Variants in CCDC60 observed in about 807,000 individuals in gnomAD.
CCDC60 encodes the protein coiled-coil domain containing 60, also known as coiled-coil domain-containing protein 60.
Under a neutral mutation model 63.5 loss-of-function variants are expected in CCDC60, and 54 were observed. The ratio of observed to expected loss-of-function variants is 0.85; its 90% CI spans 0.68 to 1.07. CCDC60 has a LOEUF of 1.07. CCDC60 is among the 50% of genes least tolerant of loss of function. The pLI is 0.00. For synonymous variants in CCDC60, 206 were observed against 238.8 expected (o/e 0.86, Z 1.27); for missense variants, 651 against 684.3 (o/e 0.95, Z 0.54).
At chr12:119,514,470 T>C (rs1305018533) in intron 7 of CCDC60, among the ~76,000 whole-genome samples, 1 of 151,936 alleles carries the variant, frequency 6.6e-6, no homozygotes, top group African/African-American at 2.4e-5. Flanking sequence ...ATTACAGGCA[T>C]GAGCCACCGC....
At chr12:119,353,155 C>CA (rs1171988922) in intron 1 of CCDC60, among the ~76,000 whole-genome samples, 1 of 147,074 alleles carries the variant, frequency 6.8e-6, no homozygotes, top group African/African-American at 2.5e-5. Context: ...CCCTTTTCTC[C>CA]TTTTTTTTTT....
In CCDC60 at chr12:119,522,923, T is replaced by A; in HGVS notation, c.1041-16T>A. 6.2e-7 allele frequency: 1 copy of A among 1,613,202 alleles called. No individual in the cohort carries two copies. The highest frequency in any genetic ancestry group is 8.5e-7 in the Non-Finnish European group (1 of 1,179,206). ...GCAGACTCTGAGCAACTTGAAACCA[T>A]CCTTTTGTGTTTCAGTGAGAGATCC... On this transcript the variant is annotated splice_polypyrimidine_tract_variant and intron_variant, in intron 9 of 13. Transcript: ENST00000327554.
In CCDC60 at chr12:119,507,607, TA is replaced by T. The variant is rs1566050796; in HGVS notation, c.883+2305del. ...ATATATATACATATATATATATATA[TA>T]TATATATTTTTTTTTTTTTTTTCTA... On this transcript the variant is annotated intron_variant, in intron 7 of 13. Transcript: ENST00000327554. Among the ~76,000 whole-genome samples, 103 of 33,710 alleles carry T rather than the reference TA, an allele frequency of 3.1e-3. 1 individual carries two copies. The highest frequency in any genetic ancestry group is 0.014 in the East Asian group (11 of 786). The allele number at this position is 33,710 out of a possible 152,430, so 22.1% of individuals were successfully genotyped here. A position where few individuals can be genotyped will look rare whatever the true frequency, so the allele number is the denominator to read the frequency against.
chr12:119,528,833 T>C, intron 12 of CCDC60, 87 bp downstream of exon 12: 1 of 1,402,952 alleles, frequency 7.1e-7, no homozygotes, highest in South Asian at 1.4e-5. Context: ...CCACTGTCCT[T>C]CAAGGCATAG....
In CCDC60 at chr12:119,408,177, ATCAACTGTTTCTTGTGGAGAGTTTAT is replaced by A. The variant is rs572906648; in HGVS notation, c.91-20503_91-20478del. Among the ~76,000 whole-genome samples the A allele has an allele frequency of 1.1e-3, 163 of 152,326 alleles. 1 individual carries two copies. The highest frequency in any genetic ancestry group is 3.8e-3 in the African/African-American group (158 of 41,576). On this transcript the variant is annotated intron_variant, in intron 1 of 13. Transcript: ENST00000327554. ...TAAATGAGTTTATGTAACCCAAATC[ATCAACTGTTTCTTGTGGAGAGTTTAT>A]TCCTGTATAGCTGTATTTCAGTTAC...
At chr12:119,482,978 A>G (rs1339160858) in intron 4 of CCDC60, among the ~76,000 whole-genome samples, 3 of 152,124 alleles carry the variant, frequency 2.0e-5, no homozygotes, top group Non-Finnish European at 4.4e-5. Flanking sequence ...CAAGAACAAG[A>G]TCCTAAGTAC....
At chr12:119,424,039 C>T (rs1309125326) in intron 1 of CCDC60, among the ~76,000 whole-genome samples, 1 of 152,042 alleles carries the variant, frequency 6.6e-6, no homozygotes, top group African/African-American at 2.4e-5. Flanking sequence ...AAAAAGATAA[C>T]CAAAACAAAA....
chr12:119,507,610 A>ATTTT (rs1352840585), intron 7 of CCDC60, among the ~76,000 whole-genome samples: 10 of 34,730 alleles, frequency 2.9e-4, no homozygotes, highest in African/African-American at 8.3e-4. Context: ...ATATATATAT[A>ATTTT]TATATTTTTT....
chr12:119,473,829 T>C (rs1593139569), intron 3 of CCDC60, among the ~76,000 whole-genome samples: 1 of 152,204 alleles, frequency 6.6e-6, no homozygotes, highest in East Asian at 1.9e-4. Context: ...TGTATATATA[T>C]ATGTATATAC....
intron 1 of CCDC60, among the ~76,000 whole-genome samples, chr12:119,395,421 G>A (rs1487513722): frequency 6.6e-6 from 1 of 152,168 alleles, no homozygotes; most frequent in African/African-American, 2.4e-5. Context: ...AAGGCAAAGG[G>A]GAAGCAGACC....
intron 4 of CCDC60, among the ~76,000 whole-genome samples, chr12:119,488,354 A>G (rs1215318542): frequency 6.6e-6 from 1 of 152,206 alleles, no homozygotes; most frequent in Non-Finnish European, 1.5e-5. Context: ...TTGGACATAC[A>G]TAGGATGCTG....
intron 2 of CCDC60, among the ~76,000 whole-genome samples, chr12:119,430,024 T>C (rs1293026938): frequency 6.6e-6 from 1 of 152,182 alleles, no homozygotes; most frequent in Non-Finnish European, 1.5e-5. Flanking sequence ...TGTTTTTTCA[T>C]ACATGATGAA....
intron 2 of CCDC60, among the ~76,000 whole-genome samples, chr12:119,446,121 CAAAGTT>C (rs1377255584): frequency 6.6e-6 from 1 of 151,606 alleles, no homozygotes; most frequent in Non-Finnish European, 1.5e-5. Flanking sequence ...AATATGGGTG[CAAAGTT>C]AAAGAAACCA....
chr12:119,348,833 G>A (rs1241600276), intron 1 of CCDC60, among the ~76,000 whole-genome samples: 12 of 152,146 alleles, frequency 7.9e-5, no homozygotes, highest in Admixed American at 7.9e-4. Flanking sequence ...GGTCGTCCTG[G>A]AGGTATATTT....
intron 1 of CCDC60, among the ~76,000 whole-genome samples, chr12:119,370,991 C>T (rs112112820): frequency 7.4e-4 from 113 of 152,242 alleles, no homozygotes; most frequent in Middle Eastern, 3.4e-3. Flanking sequence ...ATGACCATAG[C>T]ACTGCACTCC....
chr12:119,430,967 C>T (rs1950219059), intron 2 of CCDC60, among the ~76,000 whole-genome samples: 1 of 152,184 alleles, frequency 6.6e-6, no homozygotes, highest in South Asian at 2.1e-4. Context: ...TCTCATATTC[C>T]TTTGCAGAGC....
Position 119,404,937 on chromosome 12 carries a change from ACCT to A in CCDC60, c.91-23742_91-23740del, listed in dbSNP as rs1956459234. 2.0e-5 allele frequency among the ~76,000 whole-genome samples: 3 copies of A among 152,092 alleles called. No individual in the cohort carries two copies. The South Asian group carries it at 6.2e-4, about 32-fold the overall frequency. ...CACCTACCTTTGAGGCACTTGGCTCACCTCCTTCTAATTTGCATGATGAACCTG... is the reference window on the plus strand; with the variant it reads ...CACCTACCTTTGAGGCACTTGGCTCACCTTCTAATTTGCATGATGAACCTG... On this transcript the variant is annotated intron_variant, in intron 1 of 13. Coordinates refer to ENST00000327554, the MANE Select transcript of CCDC60 (RefSeq NM_178499.5).
chr12:119,493,942 T>G (rs886667868), intron 5 of CCDC60, among the ~76,000 whole-genome samples: 1 of 152,182 alleles, frequency 6.6e-6, no homozygotes, highest in Non-Finnish European at 1.5e-5. Flanking sequence ...ACACAATATT[T>G]CTGCAGAAAA....
intron 2 of CCDC60, among the ~76,000 whole-genome samples, chr12:119,446,646 C>A (rs1329858412): frequency 6.6e-6 from 1 of 152,034 alleles, no homozygotes; most frequent in African/African-American, 2.4e-5. Context: ...GAATCACAGG[C>A]CAAATTATGA....
Sources: gnomAD v4.1 joint callset for allele counts (sites outside exome capture counted in the v4.1 genomes callset) on GRCh38, gnomAD v4.1.1 for gene constraint, MANE v1.5 for transcripts, NCBI Gene and HGNC (gene_info 2026-07-23, HGNC 2026-07-21) for gene names.